ACBD6: variants seen among roughly 807,000 people sequenced by gnomAD.
The protein encoded by ACBD6 is acyl-CoA-binding domain-containing protein 6.
Under a neutral mutation model 37.2 loss-of-function variants are expected in ACBD6, and 28 were observed. The ratio of observed to expected loss-of-function variants is 0.75; its 90% CI spans 0.56 to 1.03. The LOEUF (loss-of-function observed/expected upper bound fraction) is 1.03, where lower values mean the gene tolerates loss of function less well. Ranked by LOEUF, ACBD6 falls within the 50% of genes least tolerant of loss-of-function variation. ACBD6 has a pLI of 0.00. For missense variants in ACBD6, 340 were observed against 337.4 expected, an observed-to-expected ratio of 1.01 and a Z score of -0.06; for synonymous variants, 113 against 126.8, an observed-to-expected ratio of 0.89 and a Z score of 0.73.
intron 5 of ACBD6, among the ~76,000 whole-genome samples, chr1:180,408,850 G>A (rs1237363892): frequency 1.3e-5 from 2 of 151,916 alleles, no homozygotes; most frequent in Non-Finnish European, 2.9e-5. Flanking sequence ...AGGTGCTAAA[G>A]ACACATTAAA....
chr1:180,348,585 C>T (rs1302885004), intron 6 of ACBD6, among the ~76,000 whole-genome samples: 1 of 152,070 alleles, frequency 6.6e-6, no homozygotes. Flanking sequence ...TGAATGTAGC[C>T]AGGGTTGAGG....
intron 6 of ACBD6, 146 bp from the exon 7 acceptor site, chr1:180,314,868 C>T: frequency 1.6e-6 from 1 of 636,424 alleles, no homozygotes; most frequent in Non-Finnish European, 2.9e-6. Flanking sequence ...CTGAGCTTCA[C>T]CGTAACTTTT....
chr1:180,310,554 C>T (rs956331285), intron 7 of ACBD6, among the ~76,000 whole-genome samples: 24 of 152,214 alleles, frequency 1.6e-4, no homozygotes, highest in African/African-American at 4.6e-4. Flanking sequence ...ATATTACAAG[C>T]ATGGCATGCA....
At chr1:180,321,714 T>C (rs1651079633) in intron 6 of ACBD6, among the ~76,000 whole-genome samples, 1 of 152,198 alleles carries the variant, frequency 6.6e-6, no homozygotes, top group Admixed American at 6.5e-5. Flanking sequence ...TGTTGATTTG[T>C]ATCCTGCAAC....
At chr1:180,419,168 G>A (rs187966413) in intron 4 of ACBD6, among the ~76,000 whole-genome samples, 4 of 152,266 alleles carry the variant, frequency 2.6e-5, no homozygotes, top group African/African-American at 4.8e-5. Context: ...GGAGAATGGC[G>A]TGAACCCAGG....
At chr1:180,390,369 T>A (rs1297664424) in intron 6 of ACBD6, among the ~76,000 whole-genome samples, 2 of 148,036 alleles carry the variant, frequency 1.4e-5, no homozygotes, top group Non-Finnish European at 3.0e-5. Flanking sequence ...TATATCTCTG[T>A]TTTGGTACCA....
intron 3 of ACBD6, among the ~76,000 whole-genome samples, chr1:180,474,051 C>T (rs935872046): frequency 7.9e-5 from 12 of 152,194 alleles, no homozygotes; most frequent in African/African-American, 2.9e-4. Context: ...TGAGATTTTG[C>T]CTCCCTGTAA....
chr1:180,276,628 T>G (rs1649045094), intron 9 of ACBD6: 1 of 152,244 alleles, frequency 6.6e-6, no homozygotes, highest in Non-Finnish European at 1.5e-5. Context: ...GTCGTCTTTT[T>G]GGAGGATGGC....
chr1:180,440,263 G>A lies in ACBD6; in HGVS notation c.385-10001C>T, dbSNP rs538231062. Among the ~76,000 whole-genome samples, 118 of 151,972 alleles carry A rather than the reference G, an allele frequency of 7.8e-4. 2 individuals carry two copies. Among genetic ancestry groups the A allele is most frequent in the Middle Eastern group, 3.4e-3 (1 of 294 alleles). ...AGCTGGGATTACAGATGCCCACCAT[G>A]ACACCCGACTAATTTTTGCATTTTT... On this transcript the variant is annotated intron_variant, in intron 3 of 7. Transcript: ENST00000367595.
intron 7 of ACBD6, among the ~76,000 whole-genome samples, chr1:180,292,841 C>T (rs187859894): frequency 3.9e-5 from 6 of 152,172 alleles, no homozygotes; most frequent in South Asian, 2.1e-4. Flanking sequence ...TCATCAAGGA[C>T]GATATTAACT....
chr1:180,395,055 T>C (rs1374140098), intron 6 of ACBD6, among the ~76,000 whole-genome samples: 1 of 152,192 alleles, frequency 6.6e-6, no homozygotes, highest in Non-Finnish European at 1.5e-5. Context: ...AAAAGTGTTA[T>C]GATAAACTAT....
At chr1:180,290,591 A>G (rs1312017930) in intron 7 of ACBD6, among the ~76,000 whole-genome samples, 1 of 152,250 alleles carries the variant, frequency 6.6e-6, no homozygotes. Context: ...ACACAAAAGA[A>G]TGAATAAGAA....
At chr1:180,331,179 C>A (rs1651467178) in intron 6 of ACBD6, among the ~76,000 whole-genome samples, 1 of 152,166 alleles carries the variant, frequency 6.6e-6, no homozygotes. Context: ...AGGGGTATGC[C>A]AATTACAAGT....
intron 3 of ACBD6, among the ~76,000 whole-genome samples, chr1:180,474,185 A>G (rs1315991449): frequency 6.6e-6 from 1 of 152,140 alleles, no homozygotes; most frequent in East Asian, 1.9e-4. Flanking sequence ...ACTTATACGC[A>G]GGGAGAAATA....
intron 6 of ACBD6, among the ~76,000 whole-genome samples, chr1:180,378,850 G>T (rs897753248): frequency 1.3e-5 from 2 of 152,180 alleles, no homozygotes; most frequent in Admixed American, 1.3e-4. Context: ...ACCACCACCA[G>T]TGGGGACCCT....
At chr1:180,499,103 T>C (rs1017702632) in intron 1 of ACBD6, among the ~76,000 whole-genome samples, 60 of 152,328 alleles carry the variant, frequency 3.9e-4, no homozygotes, top group African/African-American at 1.4e-3. Context: ...GAGTTCTCCC[T>C]GAGAAAATAA....
intron 7 of ACBD6, among the ~76,000 whole-genome samples, chr1:180,312,119 A>C (rs1401072775): frequency 6.6e-6 from 1 of 152,232 alleles, no homozygotes; most frequent in Non-Finnish European, 1.5e-5. Flanking sequence ...TCCACAAAGT[A>C]TCTGCTGGAA....
chr1:180,300,520 T>G (rs1382651678), intron 7 of ACBD6, among the ~76,000 whole-genome samples: 1 of 152,130 alleles, frequency 6.6e-6, no homozygotes, highest in Admixed American at 6.6e-5. Context: ...AAACTTAAAA[T>G]AGTAATTTTT....
intron 6 of ACBD6, among the ~76,000 whole-genome samples, chr1:180,372,167 G>A (rs958150333): frequency 6.6e-6 from 1 of 152,120 alleles, no homozygotes; most frequent in African/African-American, 2.4e-5. Context: ...ATGGGACAGA[G>A]GGAAACCTTT....
Sources: gnomAD v4.1 joint callset for allele counts (sites outside exome capture counted in the v4.1 genomes callset) on GRCh38, gnomAD v4.1.1 for gene constraint, MANE v1.5 for transcripts, NCBI Gene and HGNC (gene_info 2026-07-23, HGNC 2026-07-21) for gene names.